RBFOX1: variants seen among roughly 807,000 people sequenced by gnomAD.
RBFOX1 encodes RNA binding protein fox-1 homolog 1.
Under a neutral mutation model 57.7 loss-of-function variants are expected in RBFOX1, and 8 were observed. The observed-to-expected ratio is 0.14, with a 90% CI of 0.08 to 0.25. The LOEUF is 0.25. RBFOX1 is among the 10% of genes least tolerant of loss of function. The pLI, the probability that RBFOX1 is intolerant of heterozygous loss-of-function variation, is 1.00. For missense variants in RBFOX1, 611 were observed against 548.5 expected (o/e 1.11, Z -1.14); for synonymous variants, 326 against 222.4 (o/e 1.47, Z -4.15).
intron 3 of RBFOX1, among the ~76,000 whole-genome samples, chr16:6,711,178 C>T (rs1353186746): frequency 2.0e-5 from 3 of 152,168 alleles, no homozygotes; most frequent in African/African-American, 7.2e-5. Context: ...TTGACTGCCA[C>T]CATGGGGACC....
At chr16:6,216,655 T>C (rs114675692) in intron 1 of RBFOX1, among the ~76,000 whole-genome samples, 2,160 of 152,288 alleles carry the variant, frequency 0.014, 54 homozygotes, top group African/African-American at 0.049. Context: ...ATTTTCCTTC[T>C]TTCTTTATTT....
chr16:5,365,775 C>T, intron 1 of RBFOX1: 1 of 498,750 alleles, frequency 2.0e-6, no homozygotes, highest in Non-Finnish European at 4.0e-6. Flanking sequence ...TCTCTCCCAC[C>T]TAAGTGCATG....
At chr16:6,147,798 C>A (rs11646906) in intron 1 of RBFOX1, among the ~76,000 whole-genome samples, 2 of 152,108 alleles carry the variant, frequency 1.3e-5, no homozygotes, top group African/African-American at 4.8e-5. Flanking sequence ...AAATTAAAAC[C>A]TAGGCATTAT....
intron 1 of RBFOX1, among the ~76,000 whole-genome samples, chr16:5,322,641 T>C (rs1168484317): frequency 2.0e-5 from 3 of 152,152 alleles, no homozygotes; most frequent in African/African-American, 7.2e-5. Flanking sequence ...CCCCCAGTCT[T>C]CCCCATCCTT....
At chr16:6,416,052 A>T (rs1312568499) in intron 2 of RBFOX1, among the ~76,000 whole-genome samples, 1 of 152,170 alleles carries the variant, frequency 6.6e-6, no homozygotes, top group African/African-American at 2.4e-5. Flanking sequence ...AGGTGTGCCA[A>T]ATATTGGGCC....
At chr16:5,323,883 C>T (rs1223607256) in intron 1 of RBFOX1, among the ~76,000 whole-genome samples, 4 of 152,192 alleles carry the variant, frequency 2.6e-5, no homozygotes, top group Admixed American at 1.3e-4. Flanking sequence ...GTTGTGATGG[C>T]AGGGACAATG....
intron 4 of RBFOX1, among the ~76,000 whole-genome samples, chr16:7,140,334 A>T (rs562000051): frequency 6.9e-6 from 1 of 145,240 alleles, no homozygotes; most frequent in East Asian, 2.0e-4. Flanking sequence ...CTGACCACAC[A>T]AAGTTTCTTT....
At chr16:5,951,658 C>T (rs1004421565) in intron 4 of RBFOX1, among the ~76,000 whole-genome samples, 1 of 152,078 alleles carries the variant, frequency 6.6e-6, no homozygotes, top group African/African-American at 2.4e-5. Flanking sequence ...ACAGTCCCTG[C>T]ACTGCTGAGT....
intron 15 of RBFOX1, 116 bp from the exon 16 acceptor site, chr16:7,710,507 G>C (rs930860071): frequency 6.4e-7 from 1 of 1,568,226 alleles, no homozygotes; most frequent in Non-Finnish European, 8.6e-7. Flanking sequence ...ATGGGTAGGG[G>C]GTGCCTCCAT....
chr16:7,539,797 C>T (rs570935708), intron 5 of RBFOX1, among the ~76,000 whole-genome samples: 4 of 152,188 alleles, frequency 2.6e-5, no homozygotes, highest in Non-Finnish European at 4.4e-5. Context: ...AGATGAAAGA[C>T]GAGAGAGGAG....
chr16:5,395,502 G>A (rs753090617), intron 1 of RBFOX1, among the ~76,000 whole-genome samples: 3 of 152,152 alleles, frequency 2.0e-5, no homozygotes, highest in South Asian at 2.1e-4. Flanking sequence ...GCTTGGCTGC[G>A]TGGTTGAGGG....
intron 2 of RBFOX1, among the ~76,000 whole-genome samples, chr16:5,504,549 C>T (rs184675542): frequency 6.6e-5 from 10 of 152,334 alleles, no homozygotes; most frequent in Non-Finnish European, 8.8e-5. Flanking sequence ...ACGCCCTCCA[C>T]GCGCCTGGTG....
chr16:7,464,714 T>G (rs1373689448), intron 4 of RBFOX1, among the ~76,000 whole-genome samples: 7 of 68,484 alleles, frequency 1.0e-4, no homozygotes, highest in Non-Finnish European at 2.1e-4. Context: ...TTTTTTTTTT[T>G]GAGACAGAGT....
chr16:7,070,475 G>T (rs575353335), intron 4 of RBFOX1, among the ~76,000 whole-genome samples: 57 of 152,262 alleles, frequency 3.7e-4, no homozygotes, highest in African/African-American at 1.4e-3. Flanking sequence ...GTTATTTTCA[G>T]GGGTTGTATA....
intron 2 of RBFOX1, among the ~76,000 whole-genome samples, chr16:5,582,036 G>C (rs1028272953): frequency 1.3e-5 from 2 of 152,208 alleles, no homozygotes; most frequent in African/African-American, 2.4e-5. Flanking sequence ...TCTAATTGCA[G>C]ATGTTCAGCA....
At chr16:7,166,962 C>A (rs1277135618) in intron 4 of RBFOX1, among the ~76,000 whole-genome samples, 2 of 109,958 alleles carry the variant, frequency 1.8e-5, no homozygotes, top group African/African-American at 8.1e-5. Flanking sequence ...CAGATTGCTG[C>A]ATTGGTGTTC....
rs568367555 is a variant in RBFOX1, at chr16:6,887,399, G to T, written c.-15-164658G>T. 7.2e-5 allele frequency among the ~76,000 whole-genome samples: 11 copies of T among 152,224 alleles called. No homozygotes were observed. In the East Asian group the frequency reaches 1.7e-3, roughly 24 times the overall value. On this transcript the variant is annotated intron_variant, in intron 3 of 15. Coordinates refer to ENST00000550418, the MANE Select transcript of RBFOX1 (RefSeq NM_018723.4). ...TATGGGTTCATTGTGATTTCAAGAA[G>T]CCGAAAGGATATGGTTGTATCATCT...
At chr16:7,502,578 TTTTG>T (rs535621017) in intron 4 of RBFOX1, among the ~76,000 whole-genome samples, 218 of 152,240 alleles carry the variant, frequency 1.4e-3, no homozygotes, top group Middle Eastern at 3.4e-3. Context: ...GCATAAACTT[TTTTG>T]TTTGTTTGTT....
chr16:7,034,009 C>T (rs187118667), intron 3 of RBFOX1, among the ~76,000 whole-genome samples: 5 of 152,174 alleles, frequency 3.3e-5, no homozygotes, highest in Admixed American at 6.5e-5. Flanking sequence ...TAATTCAATA[C>T]TTAGTGAATA....
Sources: allele counts gnomAD v4.1 joint callset (sites outside exome capture counted in the v4.1 genomes callset), GRCh38; gene constraint gnomAD v4.1.1; transcripts MANE v1.5; gene names NCBI Gene and HGNC (gene_info 2026-07-23, HGNC 2026-07-21).